NAALADL2: variants seen among roughly 807,000 people sequenced by gnomAD.
NAALADL2 encodes N-acetylated alpha-linked acidic dipeptidase like 2.
In NAALADL2, 76 loss-of-function variants were observed where a neutral mutation model predicts 87.2. The ratio of observed to expected loss-of-function variants is 0.87; its 90% confidence interval spans 0.72 to 1.05. The LOEUF (loss-of-function observed/expected upper bound fraction) is 1.05. NAALADL2 is among the 50% of genes least tolerant of loss of function. NAALADL2 has a pLI of 0.00. For synonymous variants in NAALADL2, 354 were observed against 331.0 expected, an observed-to-expected ratio of 1.07 and a Z score of -0.75; for missense variants, 1,089 against 945.8, an observed-to-expected ratio of 1.15 and a Z score of -1.99.
At chr3:174,799,597 T>G (rs1056581524) in intron 3 of NAALADL2, among the ~76,000 whole-genome samples, 3 of 152,168 alleles carry the variant, frequency 2.0e-5, no homozygotes, top group African/African-American at 4.8e-5. Context: ...CTGTAAATTG[T>G]CCAGTCTTTG....
At chr3:174,810,557 A>G (rs1321536706) in intron 3 of NAALADL2, among the ~76,000 whole-genome samples, 1 of 151,214 alleles carries the variant, frequency 6.6e-6, no homozygotes, top group Admixed American at 6.6e-5. Context: ...AGCATTCAAG[A>G]TGTAGCTTGG....
At chr3:175,488,524 T>G (rs2149337982) in intron 9 of NAALADL2, among the ~76,000 whole-genome samples, 1 of 152,392 alleles carries the variant, frequency 6.6e-6, no homozygotes, top group Non-Finnish European at 1.5e-5. Flanking sequence ...GTGATTTTTC[T>G]TAAATTTGAA....
At chr3:174,441,971 C>CT (rs937951179) in intron 1 of NAALADL2, among the ~76,000 whole-genome samples, 96 of 151,094 alleles carry the variant, frequency 6.4e-4, no homozygotes, top group African/African-American at 1.0e-3. Context: ...AAAAGATAGA[C>CT]TTTTTTTTTA....
chr3:174,441,209 T>C (rs1209281669), intron 1 of NAALADL2, among the ~76,000 whole-genome samples: 1 of 151,690 alleles, frequency 6.6e-6, no homozygotes, highest in East Asian at 2.0e-4. Flanking sequence ...CGGCGTGAAG[T>C]ACGGGGGCCG....
intron 9 of NAALADL2, among the ~76,000 whole-genome samples, chr3:175,494,067 CA>C (rs200958799): frequency 6.6e-6 from 1 of 151,858 alleles, no homozygotes; most frequent in South Asian, 2.1e-4. Context: ...GAGAAACATG[CA>C]AAAAATATAA....
chr3:174,649,251 C>T (rs1724116197), intron 2 of NAALADL2, among the ~76,000 whole-genome samples: 1 of 152,160 alleles, frequency 6.6e-6, no homozygotes, highest in African/African-American at 2.4e-5. Context: ...GCATGAGCCA[C>T]CAAGCCCAGC....
chr3:175,136,234 C>G (rs763398837), intron 2 of NAALADL2, among the ~76,000 whole-genome samples: 2 of 152,102 alleles, frequency 1.3e-5, no homozygotes, highest in Non-Finnish European at 2.9e-5. Flanking sequence ...TACACTAAAG[C>G]TGAGACAGGA....
chr3:175,115,276 A>G (rs1724920982), intron 2 of NAALADL2: 1 of 151,468 alleles, frequency 6.6e-6, no homozygotes, highest in Admixed American at 6.6e-5. Context: ...TTACTTCTTT[A>G]TTGTGAGCAT....
At chr3:175,401,854 C>T (rs1770602237) in intron 5 of NAALADL2, among the ~76,000 whole-genome samples, 1 of 152,064 alleles carries the variant, frequency 6.6e-6, no homozygotes, top group Non-Finnish European at 1.5e-5. Context: ...TTCGGTGAAG[C>T]TCCTTCCATG....
Position 174,705,826 on chromosome 3 carries a change from A to T in NAALADL2, c.-114-31815A>T, listed in dbSNP as rs115644779. On this transcript the variant is annotated intron_variant, in intron 2 of 3. Coordinates refer to the NAALADL2 transcript ENST00000434257. ...ATGTCAGTTCTGGGTCTCTTAAATT[A>T]TCAGTGTTGGATAAGATGAGAGTTG... 4.4e-3 allele frequency among the ~76,000 whole-genome samples: 663 copies of T among 151,240 alleles called. 3 individuals are homozygous for T. Among genetic ancestry groups the T allele is most frequent in the African/African-American group, 0.016 (641 of 41,282 alleles).
At chr3:174,929,454 C>T (rs892505242) in intron 1 of NAALADL2, among the ~76,000 whole-genome samples, 1 of 151,976 alleles carries the variant, frequency 6.6e-6, no homozygotes, top group African/African-American at 2.4e-5. Flanking sequence ...TAGAATTATG[C>T]TTATAGAATT....
chr3:174,804,365 T>G (rs567946331), intron 3 of NAALADL2, among the ~76,000 whole-genome samples: 97 of 152,254 alleles, frequency 6.4e-4, no homozygotes, highest in African/African-American at 2.1e-3. Context: ...GGAGATTTTG[T>G]GCTGAGACAT....
intron 4 of NAALADL2, among the ~76,000 whole-genome samples, chr3:175,281,119 A>AATAT (rs201634376): frequency 6.7e-6 from 1 of 149,314 alleles, no homozygotes; most frequent in Non-Finnish European, 1.5e-5. Flanking sequence ...ACTTAAAAAA[A>AATAT]ATATATATAT....
chr3:175,769,430 C>G (rs1749181608), intron 13 of NAALADL2, among the ~76,000 whole-genome samples: 1 of 152,254 alleles, frequency 6.6e-6, no homozygotes, highest in South Asian at 2.1e-4. Context: ...TGGGCTGAGA[C>G]TGAAAAATCA....
intron 2 of NAALADL2, among the ~76,000 whole-genome samples, chr3:174,619,352 T>G (rs1359604431): frequency 6.6e-6 from 1 of 151,954 alleles, no homozygotes; most frequent in Non-Finnish European, 1.5e-5. Context: ...CTCTTTATAT[T>G]TACAGTTGGA....
intron 1 of NAALADL2, among the ~76,000 whole-genome samples, chr3:174,940,604 G>T (rs149048066): frequency 6.6e-6 from 1 of 151,922 alleles, no homozygotes; most frequent in South Asian, 2.1e-4. Flanking sequence ...GCTCTTCTTT[G>T]TCCCTGTAGT....
At chr3:174,477,481 C>A (rs1036177737) in intron 1 of NAALADL2, among the ~76,000 whole-genome samples, 1 of 152,150 alleles carries the variant, frequency 6.6e-6, no homozygotes, top group Non-Finnish European at 1.5e-5. Context: ...TAGGTGTACA[C>A]TTAGAGACTG....
chr3:175,327,171 T>C (rs1000890479), intron 5 of NAALADL2, among the ~76,000 whole-genome samples: 4 of 118,492 alleles, frequency 3.4e-5, no homozygotes, highest in African/African-American at 7.6e-5. Context: ...TTTTTTTTTT[T>C]CTGAGATGGA....
chr3:174,792,580 T>C (rs1717597682), intron 3 of NAALADL2, among the ~76,000 whole-genome samples: 1 of 152,170 alleles, frequency 6.6e-6, no homozygotes, highest in South Asian at 2.1e-4. Flanking sequence ...AGATTGATGA[T>C]AAGTGACCCT....
Sources: gnomAD v4.1 joint callset for allele counts (sites outside exome capture counted in the v4.1 genomes callset) on GRCh38, gnomAD v4.1.1 for gene constraint, MANE v1.5 for transcripts, NCBI Gene and HGNC (gene_info 2026-07-23, HGNC 2026-07-21) for gene names.